Variants in AFF1 observed in about 807,000 individuals in gnomAD.
AFF1 encodes ALF transcription elongation factor 1.
AFF1 carries 48 observed loss-of-function variants against 121.7 expected under a neutral mutation model. That is an observed-to-expected ratio of 0.39 (90% CI 0.31 to 0.50). The LOEUF (loss-of-function observed/expected upper bound fraction) is 0.50. AFF1 is among the 20% of genes least tolerant of loss of function. The pLI, the probability that AFF1 is intolerant of heterozygous loss-of-function variation, is 0.76. For missense variants in AFF1, 1,523 were observed against 1,511.7 expected, an observed-to-expected ratio of 1.01 and a Z score of -0.12; for synonymous variants, 613 against 563.0, an observed-to-expected ratio of 1.09 and a Z score of -1.26.
At chr4:86,941,031 T>C (rs1720418122) in intron 1 of AFF1, among the ~76,000 whole-genome samples, 1 of 151,884 alleles carries the variant, frequency 6.6e-6, no homozygotes, top group South Asian at 2.1e-4. Context: ...GAGGTTGCAG[T>C]GAGCAGTGAT....
intron 4 of AFF1, among the ~76,000 whole-genome samples, chr4:87,077,714 A>G (rs1029856876): frequency 6.6e-5 from 10 of 152,176 alleles, no homozygotes; most frequent in African/African-American, 2.4e-4. Flanking sequence ...TTCTTCATTT[A>G]TAGAAATGCT....
Position 87,126,111 on chromosome 4 carries a change from C to T in AFF1, c.2586C>T (p.Pro862=). ...KESSKTKPSR[P]SSQSSKKEML... is the part of the protein sequence containing the mutation. ...TGTTTCACTCCAGGCCCTCCAGGCC[C>T]TCCTCACAGTCCTCAAAGAAGGAAA... Residue 862 remains proline (P), a synonymous_variant, in exon 14 of 21, where the codon CCC becomes CCT. Coordinates refer to ENST00000395146, the MANE Select transcript of AFF1 (RefSeq NM_001166693.3). 1 of 1,614,188 alleles carries T rather than the reference C, an allele frequency of 6.2e-7. No individual in the cohort carries two copies. The highest frequency in any genetic ancestry group is 1.1e-5 in the South Asian group (1 of 91,076).
rs554165987 is a variant in AFF1 at position 86,979,356 on chromosome 4, C to T, written c.38+30785C>T. Among the ~76,000 whole-genome samples the T allele has an allele frequency of 1.4e-4, 22 of 152,298 alleles. No individual in the cohort carries two copies. In the South Asian group the frequency reaches 4.3e-3, roughly 30 times the overall value. The stretch of plus-strand genomic sequence containing the variant: ...TCAGGTGATCCTCCCGCCTCGGCCT[C>T]CCAAAGTGCTGGGATTACAGGGATG... On this transcript the variant is annotated intron_variant, in intron 2 of 20. Coordinates refer to ENST00000395146, the MANE Select transcript of AFF1 (RefSeq NM_001166693.3).
intron 2 of AFF1, among the ~76,000 whole-genome samples, chr4:87,043,168 C>T (rs1730328584): frequency 1.3e-5 from 2 of 152,254 alleles, no homozygotes; most frequent in African/African-American, 4.8e-5. Flanking sequence ...TGAAGCGGAG[C>T]CTAAGGCTGT....
At chr4:87,021,429 T>C (rs1248064980) in intron 2 of AFF1, among the ~76,000 whole-genome samples, 1 of 152,220 alleles carries the variant, frequency 6.6e-6, no homozygotes, top group Non-Finnish European at 1.5e-5. Flanking sequence ...TTGTCATAAA[T>C]GAATGTATTT....
intron 2 of AFF1, among the ~76,000 whole-genome samples, chr4:86,960,096 T>C (rs1722036825): frequency 6.6e-6 from 1 of 152,098 alleles, no homozygotes; most frequent in South Asian, 2.1e-4. Flanking sequence ...AGCTGAGGGA[T>C]GACCTCTACA....
intron 2 of AFF1, among the ~76,000 whole-genome samples, chr4:86,995,768 C>T (rs1348955335): frequency 4.0e-5 from 6 of 151,610 alleles, no homozygotes; most frequent in East Asian, 2.0e-4. Context: ...TCTGCCAGGC[C>T]GCCCATCGTC....
At chr4:87,011,096 A>G (rs1320622282) in intron 2 of AFF1, among the ~76,000 whole-genome samples, 1 of 148,780 alleles carries the variant, frequency 6.7e-6, no homozygotes, top group African/African-American at 2.5e-5. Flanking sequence ...AAAAAAAAAA[A>G]AGAAAAAAAA....
At position 87,105,624 on chromosome 4, in the gene AFF1, C is replaced by T; in HGVS notation, c.1284-4C>T. ...ATTCTTCTCTGTGTCCCTGCCCATT[C>T]CAGCATGCTCGAAGACGACCTTCAG... On this transcript the variant is annotated splice_region_variant and splice_polypyrimidine_tract_variant and intron_variant, in intron 8 of 20. Coordinates refer to ENST00000395146, the MANE Select transcript of AFF1 (RefSeq NM_001166693.3). The T allele has an allele frequency of 6.2e-7, 1 of 1,614,168 alleles. No individual in the cohort carries two copies. Among genetic ancestry groups the T allele is most frequent in the Non-Finnish European group, 8.5e-7 (1 of 1,180,036 alleles).
intron 2 of AFF1, chr4:87,007,183 A>G (rs1726224373): frequency 7.3e-7 from 1 of 1,370,752 alleles, no homozygotes; most frequent in Non-Finnish European, 9.4e-7. Flanking sequence ...CAGAGGCCCC[A>G]GTGCCCGGAT....
chr4:87,102,741 A>G (rs1232141464), intron 8 of AFF1, among the ~76,000 whole-genome samples: 1 of 152,216 alleles, frequency 6.6e-6, no homozygotes, highest in Non-Finnish European at 1.5e-5. Context: ...AAGAAGAAGC[A>G]TATCCATTGA....
intron 2 of AFF1, among the ~76,000 whole-genome samples, chr4:87,001,373 C>G (rs188656942): frequency 3.3e-5 from 5 of 151,932 alleles, no homozygotes; most frequent in Admixed American, 2.0e-4. Context: ...CTTGCCTCCA[C>G]GCCTGGCTAA....
At chr4:86,943,960 C>T (rs1476360647) in intron 1 of AFF1, among the ~76,000 whole-genome samples, 2 of 19,252 alleles carry the variant, frequency 1.0e-4, no homozygotes. Context: ...AAACTCTACC[C>T]AAAATAAAAA....
At chr4:86,991,198 A>G (rs1724677012) in intron 2 of AFF1, among the ~76,000 whole-genome samples, 1 of 152,080 alleles carries the variant, frequency 6.6e-6, no homozygotes, top group Non-Finnish European at 1.5e-5. Context: ...TAATCCCAAC[A>G]CTTTGGGAGG....
At chr4:87,086,094 G>A (rs765006685) in intron 5 of AFF1, among the ~76,000 whole-genome samples, 12 of 152,194 alleles carry the variant, frequency 7.9e-5, no homozygotes, top group Admixed American at 4.6e-4. Flanking sequence ...CAGCATGTAA[G>A]ATTAAATAAG....
intron 2 of AFF1, among the ~76,000 whole-genome samples, chr4:86,992,763 A>G (rs1367188677): frequency 6.6e-6 from 1 of 152,260 alleles, no homozygotes; most frequent in Non-Finnish European, 1.5e-5. Flanking sequence ...ATTTTCTTAA[A>G]TGAATTCTTA....
intron 8 of AFF1, among the ~76,000 whole-genome samples, chr4:87,099,931 G>A (rs1725254595): frequency 6.6e-6 from 1 of 152,198 alleles, no homozygotes; most frequent in African/African-American, 2.4e-5. Flanking sequence ...GAAAGGCAGA[G>A]ACTATTTGCC....
At position 87,134,561 on chromosome 4, in the gene AFF1, T is replaced by G. The variant is rs775509973; in HGVS notation, c.3402T>G (p.Ser1134Arg). The change falls in exon 20 of 21, where the codon AGT becomes AGG. Residue 1134 changes from serine (S) to arginine (R), a missense_variant. Around this residue, in one of 5 missense-constraint regions of AFF1, gnomAD observed 241 missense variants for 265.2 expected, o/e 0.91. Transcript: ENST00000395146. ...CAAGTGCTGGCAGTGTGGGGAGCAG[T>G]GGGGTGGCTGCCACTATCAGCACCC... ...SQSSAGSVGS[S>R]GVAATISTPV... 6.2e-7 allele frequency: 1 copy of G among 1,614,128 alleles called. No individual in the cohort carries two copies. Among genetic ancestry groups the G allele is most frequent in the Non-Finnish European group, 8.5e-7 (1 of 1,180,030 alleles).
At position 87,138,494 on chromosome 4, in the gene AFF1, TGTGTGTG is replaced by T. The variant is rs1729473898; in HGVS notation, c.*2794_*2800del. ...ATCTTGCCTTTGGCACTACAAGGTG[TGTGTGTG>T]TGTGTGTGTGTGTGTGTGTGTCTTT... is the stretch of plus-strand genomic sequence containing the variant. On this transcript the variant is annotated 3_prime_UTR_variant, in exon 21 of 21. Transcript: ENST00000395146. The T allele has an allele frequency of 3.3e-5, 2 of 61,316 alleles. No homozygotes were observed. Among genetic ancestry groups the T allele is most frequent in the East Asian group, 1.5e-4 (1 of 6,892 alleles). The allele number at this position is 61,316 out of a possible 1,614,324, so 3.8% of individuals were successfully genotyped here.
Sources: allele counts gnomAD v4.1 joint callset (sites outside exome capture counted in the v4.1 genomes callset), GRCh38; gene constraint gnomAD v4.1.1; regional missense constraint gnomAD v4.1.1; transcripts MANE v1.5; gene names NCBI Gene and HGNC (gene_info 2026-07-23, HGNC 2026-07-21).